GPATCH8: variants seen among roughly 807,000 people sequenced by gnomAD.
GPATCH8 encodes G patch domain-containing protein 8.
In GPATCH8, 18 loss-of-function variants were observed where a neutral mutation model predicts 118.3. That is an observed-to-expected ratio of 0.15 (90% CI 0.11 to 0.23). The LOEUF (loss-of-function observed/expected upper bound fraction) is 0.23, where lower values mean the gene tolerates loss of function less well. Among genes scored for constraint, GPATCH8 ranks in the 10% least tolerant of loss-of-function variants. The pLI is 1.00. For synonymous variants in GPATCH8, 659 were observed against 684.7 expected (o/e 0.96, Z 0.59); for missense variants, 1,631 against 1,873.8 (o/e 0.87, Z 2.39).
rs2050802788 is a variant in GPATCH8, at chr17:44,444,451, G to GA, written c.194-7907dup. Among the ~76,000 whole-genome samples the GA allele has an allele frequency of 1.3e-5, 2 of 151,392 alleles. 1 individual carries two copies. The highest frequency in any genetic ancestry group is 4.2e-4 in the South Asian group (2 of 4,798). Reference sequence around the variant, plus strand: ...TAAAACATGGGGCTGAGGAGATACGGAAAAAAACAGTTAAGTCTTTAGTTT... The same window carrying GA: ...TAAAACATGGGGCTGAGGAGATACGGAAAAAAAACAGTTAAGTCTTTAGTTT... On this transcript the variant is annotated intron_variant, in intron 3 of 7. Transcript: ENST00000591680.
intron 3 of GPATCH8, among the ~76,000 whole-genome samples, chr17:44,458,598 T>C (rs1030252864): frequency 6.6e-6 from 1 of 152,182 alleles, no homozygotes; most frequent in Non-Finnish European, 1.5e-5. Flanking sequence ...CACAGCTCAC[T>C]GCAACTTCGA....
chr17:44,412,492 T>C (rs1449949088), intron 6 of GPATCH8, among the ~76,000 whole-genome samples: 2 of 152,230 alleles, frequency 1.3e-5, no homozygotes, highest in East Asian at 1.9e-4. Flanking sequence ...GTTCAAGTGA[T>C]TCTCGGGCCT....
At chr17:44,495,015 T>A (rs569210338) in intron 1 of GPATCH8, among the ~76,000 whole-genome samples, 4 of 152,168 alleles carry the variant, frequency 2.6e-5, no homozygotes, top group Non-Finnish European at 4.4e-5. Context: ...TCCTTCAAGA[T>A]CCAGCTTAAA....
intron 1 of GPATCH8, among the ~76,000 whole-genome samples, chr17:44,500,139 G>A (rs1002285150): frequency 6.6e-6 from 1 of 152,136 alleles, no homozygotes; most frequent in Admixed American, 6.6e-5. Context: ...CACATTTGAT[G>A]ACCCAATTAC....
chr17:44,398,670 G>A lies in GPATCH8; in HGVS notation c.3407C>T (p.Pro1136Leu). The A allele has an allele frequency of 6.4e-7, 1 of 1,570,122 alleles. No individual in the cohort carries two copies. ...GACAGGCTTATTGCCAAGAGATGGG[G>A]GGAGCTTGGGCCCAAAGTAACCTTG... ...PPQGYFGPKL[P>L]PSLGNKPVLP... The change falls in exon 8 of 8, where the codon CCC becomes CTC. Residue 1136 changes from proline to leucine, a missense_variant. By Grantham distance (98) the Pro-to-Leu change is moderately conservative. Around this residue, in one of 8 missense-constraint regions of GPATCH8, gnomAD observed 922 missense variants for 879.7 expected, o/e 1.05. Coordinates refer to ENST00000591680, the MANE Select transcript of GPATCH8 (RefSeq NM_001002909.4).
Position 44,396,563 on chromosome 17 carries a change from CAA to C in GPATCH8, c.*1003_*1004del, listed in dbSNP as rs1321846422. On this transcript the variant is annotated 3_prime_UTR_variant, in exon 8 of 8. Coordinates refer to ENST00000591680, the MANE Select transcript of GPATCH8 (RefSeq NM_001002909.4). ...AGTCAGTTTTGCATCTAGCAGAAAACAAATATTTTATTTTTTGTTTTCATTTT... is the reference window on the plus strand; with the variant it reads ...AGTCAGTTTTGCATCTAGCAGAAAACATATTTTATTTTTTGTTTTCATTTT... 6.9e-6 allele frequency: 3 copies of C among 435,714 alleles called. No individual in the cohort carries two copies. Among genetic ancestry groups the C allele is most frequent in the Non-Finnish European group, 1.4e-5 (3 of 220,944 alleles). The allele number at this position is 435,714 out of a possible 1,614,324, so 27.0% of individuals were successfully genotyped here. A position where few individuals can be genotyped will look rare whatever the true frequency, so the allele number is the denominator to read the frequency against.
chr17:44,457,899 C>T (rs1486307255), intron 3 of GPATCH8, among the ~76,000 whole-genome samples: 1 of 151,888 alleles, frequency 6.6e-6, no homozygotes, highest in Non-Finnish European at 1.5e-5. Flanking sequence ...GGCTAACACG[C>T]TAAAACCCCG....
rs969767500 is a variant in GPATCH8 at position 44,397,636 on chromosome 17, G to A, written c.4441C>T (p.Leu1481Phe). ...AAGATGGGGTGAAGTAGTGGGTGAA[G>A]GTGAAGTGCAGTGGCAGCTGCTGCA... is the stretch of plus-strand genomic sequence containing the variant. ...PAAAAATALHLHPLLHPIFSG... is the reference protein window; with the variant it reads ...PAAAAATALHFHPLLHPIFSG... The change falls in exon 8 of 8, where the codon CTT (leucine) becomes TTT (phenylalanine). Residue 1481 changes from leucine to phenylalanine, a missense_variant. By Grantham distance (22) the Leu-to-Phe change is conservative. Around this residue, in one of 8 missense-constraint regions of GPATCH8, gnomAD observed 65 missense variants for 105.3 expected, o/e 0.62. Coordinates refer to ENST00000591680, the MANE Select transcript of GPATCH8 (RefSeq NM_001002909.4). 1 of 1,613,738 alleles carries A rather than the reference G, an allele frequency of 6.2e-7. No homozygotes were observed. The highest frequency in any genetic ancestry group is 1.3e-5 in the African/African-American group (1 of 74,912).
At chr17:44,459,723 A>G (rs1424215653) in intron 3 of GPATCH8, among the ~76,000 whole-genome samples, 2 of 151,964 alleles carry the variant, frequency 1.3e-5, no homozygotes, top group Non-Finnish European at 2.9e-5. Flanking sequence ...TCAAAGGTCT[A>G]CAGCAGTTAA....
At chr17:44,501,596 A>G (rs1970074777) in intron 1 of GPATCH8, among the ~76,000 whole-genome samples, 1 of 152,134 alleles carries the variant, frequency 6.6e-6, no homozygotes, top group East Asian at 1.9e-4. Context: ...GAAACTGAGT[A>G]TTGAAAAAGT....
chr17:44,443,008 C>A (rs1385782359), intron 3 of GPATCH8, among the ~76,000 whole-genome samples: 1 of 152,070 alleles, frequency 6.6e-6, no homozygotes. Context: ...CCACTTGAGC[C>A]CAGGAGCTGG....
chr17:44,441,727 GC>G (rs869230389), intron 3 of GPATCH8, among the ~76,000 whole-genome samples: 3 of 137,780 alleles, frequency 2.2e-5, no homozygotes, highest in Non-Finnish European at 4.7e-5. Context: ...CCTTCCCCCC[GC>G]CCCCCAAAAA....
At chr17:44,487,100 A>G (rs548643578) in intron 1 of GPATCH8, among the ~76,000 whole-genome samples, 1 of 152,200 alleles carries the variant, frequency 6.6e-6, no homozygotes, top group Admixed American at 6.6e-5. Context: ...CTACCATTAT[A>G]GTATCATAGA....
intron 6 of GPATCH8, among the ~76,000 whole-genome samples, chr17:44,421,376 C>A (rs896686207): frequency 1.3e-5 from 2 of 149,366 alleles, no homozygotes; most frequent in African/African-American, 2.4e-5. Flanking sequence ...CCTTTTTTTT[C>A]TTTTCTTGAG....
rs1018363033 is a variant in GPATCH8, at chr17:44,399,369, C to T, written c.2708G>A (p.Arg903Lys). 1 of 1,614,032 alleles carries T rather than the reference C, an allele frequency of 6.2e-7. No homozygotes were observed. The highest frequency in any genetic ancestry group is 1.7e-5 in the Admixed American group (1 of 59,994). The stretch of plus-strand genomic sequence containing the variant: ...TGAGTCATGGGAGCGCTTGGAGTGC[C>T]TTCGTGATCTGTCACTGTAGTCACT... Reference protein sequence around the residue: ...SYSDYSDRSRRHSKRSHDSDD... With the variant: ...SYSDYSDRSRKHSKRSHDSDD... Residue 903 changes from arginine (R) to lysine (K), a missense_variant, in exon 8 of 8, where the codon AGG becomes AAG. Physicochemically the swap from Arg to Lys is conservative, Grantham distance 26. This residue lies in a region of GPATCH8 where 922 missense variants were observed against 879.7 expected (regional missense o/e 1.05). Transcript: ENST00000591680.
chr17:44,478,491 C>CA (rs989934027), intron 1 of GPATCH8, among the ~76,000 whole-genome samples: 19 of 151,516 alleles, frequency 1.3e-4, no homozygotes, highest in African/African-American at 4.4e-4. Flanking sequence ...CTTGTCTATA[C>CA]AAAAAAAACT....
In GPATCH8 at chr17:44,407,674, T is replaced by TGC. The variant is rs2049282598; in HGVS notation, c.493-1624_493-1623insGC. 2.5e-5 allele frequency among the ~76,000 whole-genome samples: 3 copies of TGC among 120,904 alleles called. No individual in the cohort carries two copies. In the South Asian group the frequency reaches 7.9e-4, roughly 32 times the overall value. The allele number at this position is 120,904 out of a possible 152,430, so 79.3% of individuals were successfully genotyped here. ...TAATTAAGATTTTTTTTTTTTTTTTTGAGATGGAGTCTCACTCTGTTGCCC... is the reference window on the plus strand; with the variant it reads ...TAATTAAGATTTTTTTTTTTTTTTTTGCGAGATGGAGTCTCACTCTGTTGCCC... On this transcript the variant is annotated intron_variant, in intron 6 of 7. Transcript: ENST00000591680.
chr17:44,474,752 T>C lies in GPATCH8; in HGVS notation c.120+77A>G, dbSNP rs564032506. On this transcript the variant is annotated intron_variant, in intron 2 of 7. Coordinates refer to ENST00000591680, the MANE Select transcript of GPATCH8 (RefSeq NM_001002909.4). ...ACTATTGGTTATTAATAAGTTTAACTTCACTCACATCAAGTGTCACACGAA... is the reference window on the plus strand; with the variant it reads ...ACTATTGGTTATTAATAAGTTTAACCTCACTCACATCAAGTGTCACACGAA... 7.9e-5 allele frequency: 61 copies of C among 776,490 alleles called. No individual in the cohort carries two copies. In the South Asian group the frequency reaches 8.5e-4, roughly 11 times the overall value. The allele number at this position is 776,490 out of a possible 1,614,324, so 48.1% of individuals were successfully genotyped here. A position where few individuals can be genotyped will look rare whatever the true frequency, so the allele number is the denominator to read the frequency against.
intron 6 of GPATCH8, among the ~76,000 whole-genome samples, chr17:44,421,733 C>CTT (rs1205561070): frequency 2.9e-5 from 4 of 138,886 alleles, no homozygotes; most frequent in Admixed American, 2.2e-4. Context: ...TTTCTTTTTT[C>CTT]TTTTTTTTTT....
Sources: allele counts gnomAD v4.1 joint callset (sites outside exome capture counted in the v4.1 genomes callset), GRCh38; gene constraint gnomAD v4.1.1; regional missense constraint gnomAD v4.1.1; transcripts MANE v1.5; gene names NCBI Gene and HGNC (gene_info 2026-07-23, HGNC 2026-07-21).